Variants in UVRAG observed in about 807,000 individuals in gnomAD.
UVRAG encodes UV radiation resistance-associated gene protein.
A neutral mutation model predicts 78.0 loss-of-function variants in UVRAG; 19 were observed. That is an observed-to-expected ratio of 0.24 (90% CI 0.17 to 0.36). The LOEUF (loss-of-function observed/expected upper bound fraction) is 0.36, where lower values mean the gene tolerates loss of function less well. UVRAG is among the 10% of genes least tolerant of loss of function. The probability of loss-of-function intolerance (pLI) is 1.00; values close to 1 mark genes in which losing one functional copy is unlikely to be tolerated. For synonymous variants in UVRAG, 323 were observed against 324.6 expected, an observed-to-expected ratio of 1.00 and a Z score of 0.05; for missense variants, 740 against 853.8, an observed-to-expected ratio of 0.87 and a Z score of 1.66.
chr11:76,123,381 T>C (rs1314991920), intron 14 of UVRAG, among the ~76,000 whole-genome samples: 1 of 152,194 alleles, frequency 6.6e-6, no homozygotes, highest in Non-Finnish European at 1.5e-5. Context: ...ACAAAAATGA[T>C]CACGTTTCAA....
At chr11:75,874,913 T>G (rs1946733116) in intron 3 of UVRAG, among the ~76,000 whole-genome samples, 1 of 152,198 alleles carries the variant, frequency 6.6e-6, no homozygotes, top group Non-Finnish European at 1.5e-5. Context: ...TGAAGCTACG[T>G]GATTCTTTAA....
At chr11:75,951,020 T>A (rs1948684838) in intron 6 of UVRAG, among the ~76,000 whole-genome samples, 1 of 150,492 alleles carries the variant, frequency 6.6e-6, no homozygotes, top group South Asian at 2.1e-4. Flanking sequence ...CAAGTGTTTT[T>A]TTCTCAGTCA....
chr11:75,826,781 T>C lies in UVRAG; in HGVS notation c.117+11257T>C, dbSNP rs190010806. Among the ~76,000 whole-genome samples, 699 of 152,204 alleles carry C rather than the reference T, an allele frequency of 4.6e-3. 4 individuals carry two copies. The highest frequency in any genetic ancestry group is 0.015 in the African/African-American group (640 of 41,528). ...TCTGAAAGAGTAACCATCTGGTTTTTTGATGGTTTTATTCTGTGTAATATT... is the reference window on the plus strand; with the variant it reads ...TCTGAAAGAGTAACCATCTGGTTTTCTGATGGTTTTATTCTGTGTAATATT... On this transcript the variant is annotated intron_variant, in intron 1 of 14. Transcript: ENST00000356136.
intron 7 of UVRAG, among the ~76,000 whole-genome samples, chr11:75,968,031 C>T (rs1406998580): frequency 1.3e-5 from 2 of 152,182 alleles, no homozygotes; most frequent in Non-Finnish European, 2.9e-5. Context: ...TTGAACATCT[C>T]AAATCAAAAA....
chr11:75,952,764 C>T (rs1324408830), intron 6 of UVRAG, among the ~76,000 whole-genome samples: 2 of 151,498 alleles, frequency 1.3e-5, no homozygotes, highest in Admixed American at 1.3e-4. Context: ...CTATAGTGTT[C>T]GTGTCATGTT....
At chr11:75,834,155 G>C (rs996088409) in intron 1 of UVRAG, among the ~76,000 whole-genome samples, 2 of 152,032 alleles carry the variant, frequency 1.3e-5, no homozygotes, top group Non-Finnish European at 2.9e-5. Flanking sequence ...TCTAGGGTAG[G>C]TATTACATTT....
chr11:76,040,396 C>T (rs984499964), intron 12 of UVRAG, among the ~76,000 whole-genome samples: 5 of 150,780 alleles, frequency 3.3e-5, no homozygotes, highest in African/African-American at 9.8e-5. Flanking sequence ...TGGTGTGAAC[C>T]TGGGAGGTGG....
At chr11:75,910,192 C>T (rs556257861) in intron 5 of UVRAG, among the ~76,000 whole-genome samples, 2 of 152,172 alleles carry the variant, frequency 1.3e-5, no homozygotes, top group Non-Finnish European at 2.9e-5. Flanking sequence ...ATAATATTCT[C>T]CTAATATCCT....
intron 1 of UVRAG, among the ~76,000 whole-genome samples, chr11:75,838,363 A>G (rs1565339045): frequency 1.3e-5 from 2 of 151,974 alleles, no homozygotes; most frequent in African/African-American, 4.8e-5. Context: ...TTTGAGACAG[A>G]ATCTTACCCT....
chr11:75,894,802 C>CAAAAAAAAA (rs375833755), intron 5 of UVRAG, among the ~76,000 whole-genome samples: 1 of 60,212 alleles, frequency 1.7e-5, no homozygotes, highest in Non-Finnish European at 3.6e-5. Context: ...CCGTCTCTAC[C>CAAAAAAAAA]AAAAAAAAAA....
chr11:76,049,016 T>C (rs559869122), intron 12 of UVRAG, among the ~76,000 whole-genome samples: 1 of 152,354 alleles, frequency 6.6e-6, no homozygotes, highest in East Asian at 1.9e-4. Flanking sequence ...TCATATCTTA[T>C]ATAATCATAG....
intron 1 of UVRAG, among the ~76,000 whole-genome samples, chr11:75,828,784 T>C (rs1312783347): frequency 4.9e-4 from 24 of 48,930 alleles, no homozygotes; most frequent in African/African-American, 1.2e-3. Context: ...TACACACATA[T>C]ATATATATAT....
At chr11:76,057,934 C>T (rs1031414061) in intron 12 of UVRAG, among the ~76,000 whole-genome samples, 4 of 151,986 alleles carry the variant, frequency 2.6e-5, no homozygotes, top group African/African-American at 7.3e-5. Context: ...TTGTTATTGT[C>T]GCCCTGGAGG....
intron 14 of UVRAG, among the ~76,000 whole-genome samples, chr11:76,136,119 T>C (rs1952593487): frequency 6.6e-6 from 1 of 152,234 alleles, no homozygotes; most frequent in Non-Finnish European, 1.5e-5. Flanking sequence ...TGTTTTGAAC[T>C]ATTATTTGCC....
intron 2 of UVRAG, among the ~76,000 whole-genome samples, chr11:75,854,916 A>G (rs966039845): frequency 6.6e-6 from 1 of 152,200 alleles, no homozygotes; most frequent in South Asian, 2.1e-4. Context: ...TAAATTTTTG[A>G]TGAGTGTCTA....
At chr11:76,059,266 T>C (rs980147801) in intron 12 of UVRAG, among the ~76,000 whole-genome samples, 8 of 152,250 alleles carry the variant, frequency 5.3e-5, no homozygotes, top group African/African-American at 1.7e-4. Flanking sequence ...AAACTAGTTA[T>C]GATTTACCCA....
chr11:75,860,119 A>G (rs1946385653), intron 2 of UVRAG, among the ~76,000 whole-genome samples: 1 of 152,104 alleles, frequency 6.6e-6, no homozygotes. Context: ...TAATTTTTGT[A>G]TTTTTAGTAG....
At chr11:75,956,220 T>C (rs1948795029) in intron 6 of UVRAG, among the ~76,000 whole-genome samples, 1 of 152,224 alleles carries the variant, frequency 6.6e-6, no homozygotes, top group South Asian at 2.1e-4. Flanking sequence ...TGAACATTCT[T>C]ATACAAAGCT....
chr11:75,997,093 C>G (rs1392692590), intron 8 of UVRAG, among the ~76,000 whole-genome samples: 1 of 152,146 alleles, frequency 6.6e-6, no homozygotes, highest in African/African-American at 2.4e-5. Context: ...GCAAAAGTTA[C>G]AGCAAGAAAT....
Sources: allele counts gnomAD v4.1 joint callset (sites outside exome capture counted in the v4.1 genomes callset), GRCh38; gene constraint gnomAD v4.1.1; transcripts MANE v1.5; gene names NCBI Gene and HGNC (gene_info 2026-07-23, HGNC 2026-07-21).